Variants in ZSWIM5 observed in about 807,000 individuals in gnomAD.
ZSWIM5 encodes zinc finger SWIM-type containing 5.
ZSWIM5 carries 55 observed loss-of-function variants against 119.6 expected under a neutral mutation model. That is an observed-to-expected ratio of 0.46 (90% CI 0.37 to 0.58). The LOEUF (loss-of-function observed/expected upper bound fraction) is 0.58, where lower values mean the gene tolerates loss of function less well. ZSWIM5 is among the 20% of genes least tolerant of loss of function. The pLI, the probability that ZSWIM5 is intolerant of heterozygous loss-of-function variation, is 0.00. For missense variants in ZSWIM5, 1,193 were observed against 1,512.8 expected (o/e 0.79, Z 3.51); for synonymous variants, 537 against 606.9 (o/e 0.88, Z 1.69).
At chr1:45,137,849 A>C (rs1645699047) in intron 1 of ZSWIM5, among the ~76,000 whole-genome samples, 1 of 152,192 alleles carries the variant, frequency 6.6e-6, no homozygotes, top group Non-Finnish European at 1.5e-5. Flanking sequence ...CTTTTGCAGC[A>C]TTCTAAGCAG....
chr1:45,113,507 A>C (rs1418131614), intron 1 of ZSWIM5, among the ~76,000 whole-genome samples: 1 of 152,160 alleles, frequency 6.6e-6, no homozygotes, highest in Non-Finnish European at 1.5e-5. Flanking sequence ...CCAGGCTAAA[A>C]GGTTATTTTA....
At chr1:45,052,749 G>T (rs1417271207) in intron 4 of ZSWIM5, among the ~76,000 whole-genome samples, 1 of 102,188 alleles carries the variant, frequency 9.8e-6, no homozygotes, top group African/African-American at 3.8e-5. Flanking sequence ...CTCCAGCATG[G>T]GTGATGGGAA....
chr1:45,145,275 C>A (rs1252629112), intron 1 of ZSWIM5, among the ~76,000 whole-genome samples: 1 of 151,366 alleles, frequency 6.6e-6, no homozygotes, highest in Non-Finnish European at 1.5e-5. Context: ...TAAATATACA[C>A]TTACTTACCA....
chr1:45,058,662 C>T lies in ZSWIM5; in HGVS notation c.1199G>A (p.Arg400Lys). 5 of 1,614,246 alleles carry T rather than the reference C, an allele frequency of 3.1e-6. No homozygotes were observed. Among genetic ancestry groups the T allele is most frequent in the Non-Finnish European group, 4.2e-6 (5 of 1,180,040 alleles). ...FVADPRLTLW[R>K]QQGTNMTDKC... Reference sequence around the variant, plus strand: ...GTCTGTCATGTTTGTTCCTTGCTGCCTCCAGAGTGTGAGTCGTGGGTCAGC... The same window carrying T: ...GTCTGTCATGTTTGTTCCTTGCTGCTTCCAGAGTGTGAGTCGTGGGTCAGC... The change falls in exon 4 of 14, where the codon AGG (arginine) becomes AAG (lysine). Residue 400 changes from arginine to lysine, a missense_variant. Transcript: ENST00000359600.
At chr1:45,186,442 C>T (rs1166032937) in intron 1 of ZSWIM5, among the ~76,000 whole-genome samples, 1 of 150,248 alleles carries the variant, frequency 6.7e-6, no homozygotes, top group East Asian at 1.9e-4. Flanking sequence ...ATCCCTTGAA[C>T]CTCAGGAAAA....
chr1:45,160,581 A>T (rs1210383970), intron 1 of ZSWIM5, among the ~76,000 whole-genome samples: 1 of 151,496 alleles, frequency 6.6e-6, no homozygotes, highest in African/African-American at 2.4e-5. Context: ...CTCCAGCTGC[A>T]CCCATGTTGC....
At chr1:45,205,670 G>C (rs1318678444) in intron 1 of ZSWIM5, 86 bp downstream of exon 1, 6 of 1,334,248 alleles carry the variant, frequency 4.5e-6, no homozygotes, top group Non-Finnish European at 5.9e-6. Context: ...CAGAAGGCCG[G>C]GGTCTCGGCC....
intron 1 of ZSWIM5, among the ~76,000 whole-genome samples, chr1:45,196,402 T>G (rs1484926518): frequency 2.1e-5 from 3 of 144,208 alleles, no homozygotes; most frequent in Non-Finnish European, 4.6e-5. Context: ...TTTTTTTTTT[T>G]TTTTTGAGGC....
chr1:45,060,256 A>G lies in ZSWIM5; in HGVS notation c.953-9T>C. 6.2e-7 allele frequency: 1 copy of G among 1,612,776 alleles called. No individual in the cohort carries two copies. The highest frequency in any genetic ancestry group is 8.5e-7 in the Non-Finnish European group (1 of 1,179,662). On this transcript the variant is annotated splice_polypyrimidine_tract_variant and intron_variant, in intron 2 of 13. Transcript: ENST00000359600. ...TGTGGGGTCAGGGGCACCTATGAAG[A>G]ATGAGAACAGTGAAATGAATCACCT...
intron 11 of ZSWIM5, among the ~76,000 whole-genome samples, chr1:45,029,450 A>G (rs1644938954): frequency 6.6e-6 from 1 of 152,156 alleles, no homozygotes. Flanking sequence ...CTATCAGGTA[A>G]TCCATGTTTT....
Position 45,205,956 on chromosome 1 carries a change from G to T in ZSWIM5, c.395C>A (p.Ala132Asp). 1 of 1,302,330 alleles carries T rather than the reference G, an allele frequency of 7.7e-7. No homozygotes were observed. Among genetic ancestry groups the T allele is most frequent in the Non-Finnish European group, 9.8e-7 (1 of 1,024,702 alleles). The allele number at this position is 1,302,330 out of a possible 1,614,324, so 80.7% of individuals were successfully genotyped here. A position where few individuals can be genotyped will look rare whatever the true frequency, so the allele number is the denominator to read the frequency against. Residue 132 changes from alanine (A) to aspartate (D), a missense_variant, in exon 1 of 14, where the codon GCT becomes GAT. By Grantham distance (126) the Ala-to-Asp change is moderately radical (BLOSUM62 -2). Transcript: ENST00000359600. ...GAGAAGGAAG[A>D]SPAEEGPQPP... ...CTGCGGCCCCTCCTCGGCCGGCGAA[G>T]CCCCCGCGGCGCCGCCAGCAGCGCC...
At chr1:45,133,983 T>C (rs1645674473) in intron 1 of ZSWIM5, among the ~76,000 whole-genome samples, 1 of 152,224 alleles carries the variant, frequency 6.6e-6, no homozygotes, top group South Asian at 2.1e-4. Flanking sequence ...TCTGTTTTGG[T>C]ACCAGTACCA....
At chr1:45,115,984 C>G (rs757564614) in intron 1 of ZSWIM5, among the ~76,000 whole-genome samples, 1 of 152,162 alleles carries the variant, frequency 6.6e-6, no homozygotes, top group African/African-American at 2.4e-5. Context: ...GGCGCGCGCC[C>G]GCAATCCCAG....
chr1:45,143,092 C>T (rs346714), intron 1 of ZSWIM5, among the ~76,000 whole-genome samples: 17,886 of 147,310 alleles, frequency 0.12, 1,316 homozygotes, highest in Admixed American at 0.24. Context: ...GGATCGCTTA[C>T]ACCTGGGAGG....
At chr1:45,141,363 G>A (rs978420322) in intron 1 of ZSWIM5, among the ~76,000 whole-genome samples, 6 of 152,146 alleles carry the variant, frequency 3.9e-5, no homozygotes, top group Non-Finnish European at 8.8e-5. Context: ...AAGCCTCAGG[G>A]AACCAGAAAG....
Position 45,051,087 on chromosome 1 carries a change from G to T in ZSWIM5, c.1419C>A (p.Ala473=). ...CACTTGGCTCACCTGGGCTGTGAAT[G>T]GCACTCTGGGGAAGTGCATTGGTGA... ...PNITNALPQS[A]IHSPDSLSRP... Residue 473 remains alanine, a synonymous_variant, in exon 5 of 14, where the codon GCC becomes GCA. Coordinates refer to ENST00000359600, the MANE Select transcript of ZSWIM5 (RefSeq NM_020883.2). 1 of 1,613,328 alleles carries T rather than the reference G, an allele frequency of 6.2e-7. No homozygotes were observed. Among genetic ancestry groups the T allele is most frequent in the Non-Finnish European group, 8.5e-7 (1 of 1,179,804 alleles).
intron 5 of ZSWIM5, among the ~76,000 whole-genome samples, chr1:45,049,724 G>T (rs1233827576): frequency 6.6e-6 from 1 of 152,162 alleles, no homozygotes; most frequent in African/African-American, 2.4e-5. Flanking sequence ...TGAGGCAGCA[G>T]AATTGCTTGA....
At chr1:45,020,183 C>T (rs1644878102) in intron 12 of ZSWIM5, 36 bp from the exon 13 acceptor site, 1 of 1,583,808 alleles carries the variant, frequency 6.3e-7, no homozygotes, top group Non-Finnish European at 8.7e-7. Flanking sequence ...TGGGCTATGC[C>T]TAACTGTTGT....
At chr1:45,023,672 T>C (rs902060306) in intron 11 of ZSWIM5, among the ~76,000 whole-genome samples, 2 of 152,208 alleles carry the variant, frequency 1.3e-5, no homozygotes, top group African/African-American at 4.8e-5. Flanking sequence ...TAAACATTCA[T>C]GTGCAGGCTT....
Sources: allele counts gnomAD v4.1 joint callset (sites outside exome capture counted in the v4.1 genomes callset), GRCh38; gene constraint gnomAD v4.1.1; transcripts MANE v1.5; gene names NCBI Gene and HGNC (gene_info 2026-07-23, HGNC 2026-07-21).